The following SSBP2 variants were observed in gnomAD, a reference collection of about 807,000 sequenced individuals.
SSBP2 encodes single-stranded DNA-binding protein 2.
SSBP2 carries 17 observed loss-of-function variants against 61.8 expected under a neutral mutation model. The observed-to-expected ratio is 0.28, with a 90% CI of 0.19 to 0.41. The LOEUF (loss-of-function observed/expected upper bound fraction) is 0.41. Among genes scored for constraint, SSBP2 ranks in the 10% least tolerant of loss-of-function variants. The pLI, the probability that SSBP2 is intolerant of heterozygous loss-of-function variation, is 1.00. For synonymous variants in SSBP2, 139 were observed against 141.3 expected, an observed-to-expected ratio of 0.98 and a Z score of 0.12; for missense variants, 310 against 458.7, an observed-to-expected ratio of 0.68 and a Z score of 2.96.
chr5:81,594,972 A>G (rs1743560281), intron 4 of SSBP2, among the ~76,000 whole-genome samples: 1 of 152,230 alleles, frequency 6.6e-6, no homozygotes, highest in African/African-American at 2.4e-5. Flanking sequence ...AGCTAGCAGA[A>G]GGCAAGAAAT....
chr5:81,464,443 A>G (rs1764757685), intron 9 of SSBP2, among the ~76,000 whole-genome samples: 1 of 152,208 alleles, frequency 6.6e-6, no homozygotes, highest in African/African-American at 2.4e-5. Flanking sequence ...CATAGAAAGT[A>G]AGTTTTTCAG....
rs1334623213 is a variant in SSBP2, at chr5:81,565,149, T to C, written c.282+50324A>G. 2.0e-5 allele frequency among the ~76,000 whole-genome samples: 3 copies of C among 152,188 alleles called. No homozygotes were observed. The East Asian group carries it at 5.8e-4, about 29-fold the overall frequency. On this transcript the variant is annotated intron_variant, in intron 4 of 16. Coordinates refer to ENST00000320672, the MANE Select transcript of SSBP2 (RefSeq NM_012446.5). ...AAGCAACTTATTAAATTCTTCTGCT[T>C]CTTCTAGAAATATATTTCTAAATCA... is the stretch of plus-strand genomic sequence containing the variant.
rs1040556258 is a variant in SSBP2, at chr5:81,413,258, C to T, written c.*7246G>A. On this transcript the variant is annotated 3_prime_UTR_variant, in exon 17 of 17. Transcript: ENST00000320672. The stretch of plus-strand genomic sequence containing the variant: ...GTACAAAAACACTAAATTATAAATC[C>T]ATTTGAGAATAAATGCAGTAATGTG... 3 of 152,158 alleles carry T rather than the reference C, an allele frequency of 2.0e-5. No individual in the cohort carries two copies. Among genetic ancestry groups the T allele is most frequent in the African/African-American group, 7.2e-5 (3 of 41,430 alleles). 9.4% of individuals were successfully genotyped at this position (152,158 alleles called of 1,614,324 possible).
rs114901068 is a variant in SSBP2, at chr5:81,526,523, T to C, written c.283-12806A>G. Reference sequence around the variant, plus strand: ...GTTATGAAATACTGAGTAATAAGACTAGATAACATATTTTGAAGTAAAAAA... The same window carrying C: ...GTTATGAAATACTGAGTAATAAGACCAGATAACATATTTTGAAGTAAAAAA... On this transcript the variant is annotated intron_variant, in intron 4 of 16. Transcript: ENST00000320672. Among the ~76,000 whole-genome samples the C allele has an allele frequency of 2.7e-3, 408 of 152,116 alleles. 2 individuals are homozygous for C. Among genetic ancestry groups the C allele is most frequent in the African/African-American group, 8.5e-3 (354 of 41,542 alleles).
intron 1 of SSBP2, among the ~76,000 whole-genome samples, chr5:81,730,215 A>C (rs80120567): frequency 0.025 from 3,806 of 152,218 alleles, 174 homozygotes; most frequent in African/African-American, 0.087. Flanking sequence ...TTACAGAGTA[A>C]GTGTACTTTT....
chr5:81,547,036 C>CAAAAAAAAA lies in SSBP2; in HGVS notation c.283-33328_283-33320dup, dbSNP rs61254614. ...TTTATAGTAAAGGGCAAATCTTGGCCAAAAAAAAAAAAAAAAAAAAAGTCT... is the reference window on the plus strand; with the variant it reads ...TTTATAGTAAAGGGCAAATCTTGGCCAAAAAAAAAAAAAAAAAAAAAAAAAAAAAAGTCT... On this transcript the variant is annotated intron_variant, in intron 4 of 16. Coordinates refer to ENST00000320672, the MANE Select transcript of SSBP2 (RefSeq NM_012446.5). Among the ~76,000 whole-genome samples the CAAAAAAAAA allele has an allele frequency of 6.8e-3, 366 of 53,802 alleles. 29 individuals carry two copies. The highest frequency in any genetic ancestry group is 0.02 in the African/African-American group (147 of 7,344). The allele number at this position is 53,802 out of a possible 152,430, so 35.3% of individuals were successfully genotyped here. A position where few individuals can be genotyped will look rare whatever the true frequency, so the allele number is the denominator to read the frequency against.
rs185378897 is a variant in SSBP2, at chr5:81,415,993, C to T, written c.*4511G>A. ...ATCCCAGCACTTTGGGAGGCTGAGG[C>T]GGGCAGATCACTTGAGGTCAGGAGT... On this transcript the variant is annotated 3_prime_UTR_variant, in exon 17 of 17. Coordinates refer to ENST00000320672, the MANE Select transcript of SSBP2 (RefSeq NM_012446.5). 0.014 allele frequency: 2,111 copies of T among 149,656 alleles called. 45 individuals are homozygous for T. The highest frequency in any genetic ancestry group is 0.049 in the African/African-American group (1,961 of 40,420). 9.3% of individuals were successfully genotyped at this position (149,656 alleles called of 1,614,324 possible).
chr5:81,648,256 T>G (rs1233337633), intron 2 of SSBP2, among the ~76,000 whole-genome samples: 1 of 152,164 alleles, frequency 6.6e-6, no homozygotes, highest in Non-Finnish European at 1.5e-5. Context: ...GAAAGGTCAT[T>G]GCCCTAAGTC....
At chr5:81,457,684 C>T (rs60068691) in intron 10 of SSBP2, among the ~76,000 whole-genome samples, 1,601 of 151,436 alleles carry the variant, frequency 0.011, 34 homozygotes, top group African/African-American at 0.037. Flanking sequence ...TTTTTGAGAC[C>T]GAGTTTTACT....
intron 3 of SSBP2, among the ~76,000 whole-genome samples, chr5:81,632,986 C>T (rs985401338): frequency 6.6e-6 from 1 of 152,014 alleles, no homozygotes; most frequent in Admixed American, 6.6e-5. Flanking sequence ...ATTACTTTAC[C>T]TTGCAGTCAC....
At chr5:81,524,086 G>A (rs1420628520) in intron 4 of SSBP2, among the ~76,000 whole-genome samples, 1 of 152,008 alleles carries the variant, frequency 6.6e-6, no homozygotes, top group Non-Finnish European at 1.5e-5. Flanking sequence ...CTAACACCTA[G>A]TAAGATAAAC....
At chr5:81,711,971 C>A (rs1427417934) in intron 1 of SSBP2, among the ~76,000 whole-genome samples, 1 of 151,666 alleles carries the variant, frequency 6.6e-6, no homozygotes, top group Non-Finnish European at 1.5e-5. Context: ...ACTTAGTGCA[C>A]AACTATAAGC....
intron 16 of SSBP2, among the ~76,000 whole-genome samples, chr5:81,425,889 C>A (rs997982008): frequency 6.6e-6 from 1 of 152,096 alleles, no homozygotes; most frequent in Non-Finnish European, 1.5e-5. Flanking sequence ...GTATCTAGTA[C>A]ATAAAGAGTA....
chr5:81,614,739 G>C (rs749000087), intron 4 of SSBP2, among the ~76,000 whole-genome samples: 5 of 151,976 alleles, frequency 3.3e-5, no homozygotes, highest in Non-Finnish European at 7.4e-5. Context: ...CCTCTTTTAT[G>C]GTTAGTTCTG....
intron 4 of SSBP2, among the ~76,000 whole-genome samples, chr5:81,562,677 A>T (rs1279535146): frequency 6.6e-6 from 1 of 152,236 alleles, no homozygotes; most frequent in East Asian, 1.9e-4. Flanking sequence ...ACTCCAAAGA[A>T]AGTTTATTAA....
At chr5:81,567,834 G>A (rs1773548064) in intron 4 of SSBP2, among the ~76,000 whole-genome samples, 1 of 152,218 alleles carries the variant, frequency 6.6e-6, no homozygotes, top group Non-Finnish European at 1.5e-5. Context: ...AGATTTGACT[G>A]TCCTGCTGAA....
chr5:81,436,908 G>A (rs1387347617), intron 15 of SSBP2, among the ~76,000 whole-genome samples: 1 of 152,056 alleles, frequency 6.6e-6, no homozygotes, highest in South Asian at 2.1e-4. Context: ...CTGCTTGTAC[G>A]AATATAATTT....
chr5:81,721,148 G>A (rs1476016804), intron 1 of SSBP2, among the ~76,000 whole-genome samples: 2 of 152,030 alleles, frequency 1.3e-5, no homozygotes, highest in African/African-American at 4.8e-5. Context: ...AGTCTGGATG[G>A]ATACCATAAA....
At chr5:81,699,736 G>A (rs535328650) in intron 1 of SSBP2, among the ~76,000 whole-genome samples, 66 of 151,884 alleles carry the variant, frequency 4.3e-4, no homozygotes, top group Admixed American at 6.6e-4. Context: ...CCCATTTGTC[G>A]CACATTTTCC....
Sources: gnomAD v4.1 joint callset for allele counts (sites outside exome capture counted in the v4.1 genomes callset) on GRCh38, gnomAD v4.1.1 for gene constraint, MANE v1.5 for transcripts, NCBI Gene and HGNC (gene_info 2026-07-23, HGNC 2026-07-21) for gene names.